The following RPL28 variants were observed in gnomAD, a reference collection of about 807,000 sequenced individuals.
The protein encoded by RPL28 is ribosomal protein L28.
Under a neutral mutation model 12.5 loss-of-function variants are expected in RPL28, and 4 were observed. The observed-to-expected ratio is 0.32, with a 90% CI of 0.16 to 0.73. The LOEUF (loss-of-function observed/expected upper bound fraction) is 0.73, where lower values mean the gene tolerates loss of function less well. Ranked by LOEUF, RPL28 falls within the 30% of genes least tolerant of loss-of-function variation. The pLI is 0.66. For synonymous variants in RPL28, 91 were observed against 72.5 expected, an observed-to-expected ratio of 1.26 and a Z score of -1.30; for missense variants, 214 against 197.7, an observed-to-expected ratio of 1.08 and a Z score of -0.49.
At chr19:55,396,859 T>G (rs56087543), downstream of RPL28, among the ~76,000 whole-genome samples, 1 of 150,648 alleles carries the variant, frequency 6.6e-6, no homozygotes, top group Non-Finnish European at 1.5e-5. Context: ...GGATTACAGG[T>G]GTGAGCCACG....
chr19:55,388,807 G>A lies in RPL28; in HGVS notation c.*475G>A. On this transcript the variant is annotated 3_prime_UTR_variant, in exon 5 of 5. Transcript: ENST00000344063. Reference sequence around the variant, plus strand: ...GAAGATGAGATGACTTTTGCATCCAGGGAGTGGGTGCAGCCACATTTGGAG... The same window carrying A: ...GAAGATGAGATGACTTTTGCATCCAAGGAGTGGGTGCAGCCACATTTGGAG... The A allele has an allele frequency of 1.0e-6, 1 of 989,958 alleles. No homozygotes were observed. The highest frequency in any genetic ancestry group is 1.2e-6 in the Non-Finnish European group (1 of 833,110). 61.3% of individuals were successfully genotyped at this position (989,958 alleles called of 1,614,324 possible). A position where few individuals can be genotyped will look rare whatever the true frequency, so the allele number is the denominator to read the frequency against.
At chr19:55,395,500 G>A (rs377718482), downstream of RPL28, among the ~76,000 whole-genome samples, 2 of 147,762 alleles carry the variant, frequency 1.4e-5, no homozygotes, top group South Asian at 2.1e-4. Context: ...CTGGAGTGCA[G>A]TGGCGCCATC....
Position 55,391,022 on chromosome 19 carries a change from T to C in RPL28, c.*2690T>C. The C allele has an allele frequency of 2.1e-6, 2 of 944,840 alleles. No homozygotes were observed. The highest frequency in any genetic ancestry group is 2.5e-6 in the Non-Finnish European group (2 of 793,014). 58.5% of individuals were successfully genotyped at this position (944,840 alleles called of 1,614,324 possible). A position where few individuals can be genotyped will look rare whatever the true frequency, so the allele number is the denominator to read the frequency against. ...GGCAGGCTCACCATAGTAAAAATGC[T>C]GAAAGCCAAAGACAAAATTGGGAGA... On this transcript the variant is annotated 3_prime_UTR_variant, in exon 5 of 5. Transcript: ENST00000344063.
At chr19:55,398,032 C>T (rs1360098760) in intron 4 of RPL28, among the ~76,000 whole-genome samples, 2 of 152,064 alleles carry the variant, frequency 1.3e-5, no homozygotes, top group East Asian at 3.9e-4. Context: ...CCTGTCTCTA[C>T]TAAAAATACA....
downstream of RPL28, among the ~76,000 whole-genome samples, chr19:55,393,449 A>G (rs79569162): frequency 0.048 from 7,349 of 152,110 alleles, 180 homozygotes; most frequent in Middle Eastern, 0.078. Flanking sequence ...TAATTCACGT[A>G]ACATAAAGTC....
At position 55,387,272 on chromosome 19, in the gene RPL28, A is replaced by G. The variant is rs957060485; in HGVS notation, c.205+579A>G. Reference sequence around the variant, plus strand: ...TCACATGTGTTCTTGACAGGGCTGTATTTTCTTTTTAGAGTGAGTTTTTCT... The same window carrying G: ...TCACATGTGTTCTTGACAGGGCTGTGTTTTCTTTTTAGAGTGAGTTTTTCT... On this transcript the variant is annotated intron_variant, in intron 3 of 4. Transcript: ENST00000344063. The G allele has an allele frequency of 4.5e-6, 7 of 1,550,926 alleles. No individual in the cohort carries two copies. The Admixed American group carries it at 5.9e-5, about 13-fold the overall frequency.
At position 55,385,975 on chromosome 19, in the gene RPL28, C is replaced by A; in HGVS notation, c.-9+10C>A. On this transcript the variant is annotated intron_variant, in intron 1 of 4. Coordinates refer to ENST00000344063, the MANE Select transcript of RPL28 (RefSeq NM_000991.5). ...GCCGCTGCGAAGGGAGGTGAGCGTT[C>A]GTCTTCCTCGCGTGGTCGCCATCTC... 1 of 263,228 alleles carries A rather than the reference C, an allele frequency of 3.8e-6. No individual in the cohort carries two copies. Among genetic ancestry groups the A allele is most frequent in the Non-Finnish European group, 7.7e-6 (1 of 129,818 alleles). 16.3% of individuals were successfully genotyped at this position (263,228 alleles called of 1,614,324 possible).
chr19:55,389,428 A>G lies in RPL28; in HGVS notation c.*1096A>G, dbSNP rs928008710. ...TCCTGGGCACCTAACTCTGTCAGCC[A>G]CTGCCAGGGACCAAGGATCCAGCAT... On this transcript the variant is annotated 3_prime_UTR_variant, in exon 5 of 5. Coordinates refer to ENST00000344063, the MANE Select transcript of RPL28 (RefSeq NM_000991.5). 2 of 985,396 alleles carry G rather than the reference A, an allele frequency of 2.0e-6. No homozygotes were observed. The highest frequency in any genetic ancestry group is 2.4e-6 in the Non-Finnish European group (2 of 829,936). 61.0% of individuals were successfully genotyped at this position (985,396 alleles called of 1,614,324 possible).
intron 3 of RPL28, chr19:55,387,147 G>T: frequency 7.7e-7 from 1 of 1,290,608 alleles, no homozygotes; most frequent in African/African-American, 1.5e-5. Context: ...AAGAGGTCTT[G>T]GGGACCCCAC....
chr19:55,403,041 C>A, exon 5 of RPL28: 1 of 1,463,876 alleles, frequency 6.8e-7, no homozygotes, highest in Non-Finnish European at 9.3e-7. Context: ...CCAGGTCATT[C>A]TGTGTCATGG....
In RPL28 at chr19:55,386,628, A is replaced by G. The variant is rs762078995; in HGVS notation, c.140A>G (p.Lys47Arg). ...SFRYNGLIHRKTVGVEPAADG... is the reference protein window; with the variant it reads ...SFRYNGLIHRRTVGVEPAADG... ...CGCTACAACGGACTGATTCACCGCA[A>G]GACTGTGGGCGTGGAGCCGGCAGCC... The change falls in exon 3 of 5, where the codon AAG becomes AGG. Residue 47 changes from lysine (K) to arginine (R), a missense_variant. Coordinates refer to ENST00000344063, the MANE Select transcript of RPL28 (RefSeq NM_000991.5). 1.2e-6 allele frequency: 2 copies of G among 1,614,066 alleles called. No homozygotes were observed. Among genetic ancestry groups the G allele is most frequent in the Non-Finnish European group, 1.7e-6 (2 of 1,179,986 alleles).
Position 55,390,859 on chromosome 19 carries a change from T to G in RPL28, c.*2527T>G. 1.0e-6 allele frequency: 1 copy of G among 985,414 alleles called. No homozygotes were observed. Among genetic ancestry groups the G allele is most frequent in the Non-Finnish European group, 1.2e-6 (1 of 829,924 alleles). 61.0% of individuals were successfully genotyped at this position (985,414 alleles called of 1,614,324 possible). A position where few individuals can be genotyped will look rare whatever the true frequency, so the allele number is the denominator to read the frequency against. ...GTGCTGAGCAAACGTGGAGACACCA[T>G]TTCCCTCCTCTAGACCTCATCTTGG... is the stretch of plus-strand genomic sequence containing the variant. On this transcript the variant is annotated 3_prime_UTR_variant, in exon 5 of 5. Transcript: ENST00000344063.
Position 55,392,011 on chromosome 19 carries a change from C to T in RPL28, c.*3679C>T, listed in dbSNP as rs143396537. The T allele has an allele frequency of 2.8e-5, 31 of 1,105,704 alleles. No homozygotes were observed. In the Middle Eastern group the frequency reaches 1.2e-3, roughly 42 times the overall value. 68.5% of individuals were successfully genotyped at this position (1,105,704 alleles called of 1,614,324 possible). On this transcript the variant is annotated 3_prime_UTR_variant, in exon 5 of 5. Coordinates refer to ENST00000344063, the MANE Select transcript of RPL28 (RefSeq NM_000991.5). Reference sequence around the variant, plus strand: ...TGCATTTCCAGCCCAGGCTGTTTGGCGCTGCCCAGGAATGGTATCAATTCC... The same window carrying T: ...TGCATTTCCAGCCCAGGCTGTTTGGTGCTGCCCAGGAATGGTATCAATTCC...
At chr19:55,403,186 C>G in exon 5 of RPL28, 1 of 663,784 alleles carries the variant, frequency 1.5e-6, no homozygotes, top group South Asian at 1.6e-5. Context: ...GCAAAATCAC[C>G]TCTGGCTGAG....
rs1022825678 is a variant in RPL28 at position 55,388,967 on chromosome 19, C to T, written c.*635C>T. ...GAGCAGCCTTAGCATTGTCCCCCTA[C>T]TCCCGTCCTCCAGGTGTCCCCATCC... On this transcript the variant is annotated 3_prime_UTR_variant, in exon 5 of 5. Coordinates refer to ENST00000344063, the MANE Select transcript of RPL28 (RefSeq NM_000991.5). The T allele has an allele frequency of 1.0e-6, 1 of 985,496 alleles. No homozygotes were observed. The highest frequency in any genetic ancestry group is 1.7e-5 in the African/African-American group (1 of 57,326). The allele number at this position is 985,496 out of a possible 1,614,324, so 61.0% of individuals were successfully genotyped here.
In RPL28 at chr19:55,388,642, G is replaced by A. The variant is rs559195156; in HGVS notation, c.*310G>A. Reference sequence around the variant, plus strand: ...CTGAAGAATCCCAGCTGGGGCAGTGGCTTCCATTCAGAAGAAGAAAGGCCT... The same window carrying A: ...CTGAAGAATCCCAGCTGGGGCAGTGACTTCCATTCAGAAGAAGAAAGGCCT... On this transcript the variant is annotated 3_prime_UTR_variant, in exon 5 of 5. Transcript: ENST00000344063. The A allele has an allele frequency of 1.9e-4, 219 of 1,180,572 alleles. No homozygotes were observed. In the African/African-American group the frequency reaches 3.2e-3, roughly 17 times the overall value. The allele number at this position is 1,180,572 out of a possible 1,614,324, so 73.1% of individuals were successfully genotyped here.
Position 55,389,660 on chromosome 19 carries a change from C to T in RPL28, c.*1328C>T, listed in dbSNP as rs980912759. On this transcript the variant is annotated 3_prime_UTR_variant, in exon 5 of 5. Coordinates refer to ENST00000344063, the MANE Select transcript of RPL28 (RefSeq NM_000991.5). ...CGACCTCAGTCCTGTCTGCTCCAGT[C>T]TTGCCCAGCTCGAAGGAGAGCAGAT... is the stretch of plus-strand genomic sequence containing the variant. The T allele has an allele frequency of 1.5e-5, 15 of 985,570 alleles. No individual in the cohort carries two copies. The highest frequency in any genetic ancestry group is 1.7e-5 in the Non-Finnish European group (14 of 830,016). 61.1% of individuals were successfully genotyped at this position (985,570 alleles called of 1,614,324 possible).
At chr19:55,393,299 G>A (rs546630283), downstream of RPL28, among the ~76,000 whole-genome samples, 1 of 117,752 alleles carries the variant, frequency 8.5e-6, no homozygotes, top group East Asian at 2.9e-4. Context: ...TTTCTCTAGG[G>A]CCAGCAAGGC....
chr19:55,391,300 C>A lies in RPL28; in HGVS notation c.*2968C>A. The A allele has an allele frequency of 1.7e-6, 1 of 604,156 alleles. No homozygotes were observed. Among genetic ancestry groups the A allele is most frequent in the Non-Finnish European group, 2.3e-6 (1 of 429,988 alleles). The allele number at this position is 604,156 out of a possible 1,614,324, so 37.4% of individuals were successfully genotyped here. On this transcript the variant is annotated 3_prime_UTR_variant, in exon 5 of 5. Coordinates refer to ENST00000344063, the MANE Select transcript of RPL28 (RefSeq NM_000991.5). Reference sequence around the variant, plus strand: ...TTATGCCCAGCTGTGGGGACTTGGGCAGCTCGTTTAGTAGCACCGTGCCTC... The same window carrying A: ...TTATGCCCAGCTGTGGGGACTTGGGAAGCTCGTTTAGTAGCACCGTGCCTC...
Sources: allele counts gnomAD v4.1 joint callset (sites outside exome capture counted in the v4.1 genomes callset), GRCh38; gene constraint gnomAD v4.1.1; transcripts MANE v1.5; gene names NCBI Gene and HGNC (gene_info 2026-07-23, HGNC 2026-07-21).